The following SCML4 variants were observed in gnomAD, a reference collection of about 807,000 sequenced individuals.
SCML4 encodes the protein Scm polycomb group protein like 4, also known as sex comb on midleg-like protein 4.
A neutral mutation model predicts 41.1 loss-of-function variants in SCML4; 34 were observed. That is an observed-to-expected ratio of 0.83 (90% CI 0.63 to 1.10). SCML4 has a LOEUF of 1.10. SCML4 is among the 50% of genes least tolerant of loss of function. SCML4 has a pLI of 0.00. For synonymous variants in SCML4, 214 were observed against 220.9 expected (o/e 0.97, Z 0.28); for missense variants, 522 against 534.1 (o/e 0.98, Z 0.22).
chr6:107,803,033 C>G (rs200305537), intron 1 of SCML4, among the ~76,000 whole-genome samples: 13 of 151,602 alleles, frequency 8.6e-5, no homozygotes, highest in South Asian at 2.1e-4. Context: ...GACGGAGTCG[C>G]GTTCACTCAG....
chr6:107,751,705 A>C (rs777994936), intron 2 of SCML4, among the ~76,000 whole-genome samples: 4 of 148,518 alleles, frequency 2.7e-5, no homozygotes, highest in Non-Finnish European at 4.4e-5. Flanking sequence ...GCACCATCTC[A>C]GCTCACTGCA....
chr6:107,761,420 G>A (rs1488692522), intron 2 of SCML4, among the ~76,000 whole-genome samples: 1 of 144,070 alleles, frequency 6.9e-6, no homozygotes, highest in Non-Finnish European at 1.5e-5. Flanking sequence ...ATGAACCCCA[G>A]AATATAAATA....
intron 5 of SCML4, among the ~76,000 whole-genome samples, chr6:107,736,766 G>A (rs1777110398): frequency 6.6e-6 from 1 of 152,184 alleles, no homozygotes; most frequent in African/African-American, 2.4e-5. Flanking sequence ...AATGCTGAGT[G>A]TATAGGTTCA....
intron 6 of SCML4, chr6:107,720,461 T>G: frequency 1.7e-6 from 2 of 1,205,496 alleles, no homozygotes; most frequent in East Asian, 3.7e-5. Flanking sequence ...CCTGTGTACA[T>G]TTTGGAGTCT....
chr6:107,725,715 T>A (rs1775888983), intron 5 of SCML4, among the ~76,000 whole-genome samples: 1 of 152,196 alleles, frequency 6.6e-6, no homozygotes, highest in East Asian at 1.9e-4. Flanking sequence ...TGGCAAAATA[T>A]TCTTAGATTT....
chr6:107,707,858 T>C lies in SCML4; in HGVS notation c.1119+8A>G. The C allele has an allele frequency of 6.4e-7, 1 of 1,551,610 alleles. No individual in the cohort carries two copies. On this transcript the variant is annotated splice_region_variant and intron_variant, in intron 7 of 7. Transcript: ENST00000369020. ...TCCCCCCCAAGGTCAAACCCACCAC[T>C]CGCATACGTGCTTTCTGAAGAGCTC...
Position 107,720,862 on chromosome 6 carries a change from G to A in SCML4, c.814C>T (p.Gln272Ter), listed in dbSNP as rs1226982403. Residue 272 changes from glutamine to a stop codon, truncating the protein, a stop_gained, in exon 6 of 8, where the codon CAG becomes TAG. Transcript: ENST00000369020. LOFTEE classifies it high-confidence loss of function. ...HPSSSLYCKR[Q>*]NSGDSHLGGG... ...CCAAGGTGGCTGTCTCCAGAGTTCT[G>A]CCTCTTGCAGTACAGCGAGGAGGAG... 1.2e-6 allele frequency: 2 copies of A among 1,614,186 alleles called. No homozygotes were observed. The highest frequency in any genetic ancestry group is 1.1e-5 in the South Asian group (1 of 91,090).
At chr6:107,725,552 C>A (rs1439316199) in intron 5 of SCML4, among the ~76,000 whole-genome samples, 1 of 152,070 alleles carries the variant, frequency 6.6e-6, no homozygotes. Flanking sequence ...GCTGGGACAA[C>A]TGGATATCCA....
the SCML4 span, among the ~76,000 whole-genome samples, chr6:107,843,996 T>G: frequency 6.6e-6 from 1 of 151,382 alleles, no homozygotes; most frequent in Non-Finnish European, 1.5e-5. Context: ...TTTTTAAAGT[T>G]TAAAGGCAAA....
At chr6:107,811,971 G>A (rs1298781496) in intron 1 of SCML4, among the ~76,000 whole-genome samples, 1 of 152,198 alleles carries the variant, frequency 6.6e-6, no homozygotes. Flanking sequence ...AATAGTGAGA[G>A]GGTTTCCAAC....
chr6:107,761,568 C>G (rs1241339824), intron 2 of SCML4, among the ~76,000 whole-genome samples: 1 of 151,944 alleles, frequency 6.6e-6, no homozygotes. Flanking sequence ...TCCCAAGTAG[C>G]TTGGATTACA....
intron 1 of SCML4, among the ~76,000 whole-genome samples, chr6:107,787,969 C>T (rs921677261): frequency 1.3e-5 from 2 of 152,110 alleles, no homozygotes; most frequent in Non-Finnish European, 2.9e-5. Flanking sequence ...CAATGTTTGC[C>T]CTCCAAGAAC....
chr6:107,740,238 A>G (rs1777461616), intron 5 of SCML4: 1 of 455,098 alleles, frequency 2.2e-6, no homozygotes, highest in Non-Finnish European at 4.5e-6. Flanking sequence ...ATACCACAAT[A>G]AAGTGTGAGA....
rs1228482982 is a variant in SCML4 at position 107,745,232 on chromosome 6, ATTT to A, written c.488-92_488-90del. On this transcript the variant is annotated intron_variant, in intron 4 of 7. Coordinates refer to ENST00000369020, the MANE Select transcript of SCML4 (RefSeq NM_198081.5). ...CGTGGTGAGGATTTTTCGTTTGTTC[ATTT>A]TTGTTTTGTTGCTAAGCAGACTATA... The A allele has an allele frequency of 1.4e-5, 14 of 998,300 alleles. No individual in the cohort carries two copies. In the East Asian group the frequency reaches 3.6e-4, roughly 26 times the overall value. The allele number at this position is 998,300 out of a possible 1,614,324, so 61.8% of individuals were successfully genotyped here.
chr6:107,832,309 A>C, the SCML4 span, among the ~76,000 whole-genome samples: 1 of 152,188 alleles, frequency 6.6e-6, no homozygotes, highest in Admixed American at 6.5e-5. Context: ...GGGTGACCCA[A>C]CAGTTGGTCA....
chr6:107,706,974 T>A (rs1360010086), intron 7 of SCML4, among the ~76,000 whole-genome samples: 3 of 150,852 alleles, frequency 2.0e-5, no homozygotes, highest in African/African-American at 4.9e-5. Context: ...ATCCCCAGAG[T>A]GGTAAGACAG....
intron 5 of SCML4, among the ~76,000 whole-genome samples, chr6:107,725,448 C>A (rs1775867141): frequency 6.6e-6 from 1 of 152,028 alleles, no homozygotes; most frequent in Non-Finnish European, 1.5e-5. Context: ...AATTCAGAAT[C>A]CAGAAGTAAA....
intron 2 of SCML4, among the ~76,000 whole-genome samples, chr6:107,753,407 T>C (rs1778851286): frequency 1.3e-5 from 2 of 152,272 alleles, no homozygotes; most frequent in African/African-American, 2.4e-5. Flanking sequence ...CTATTTACAA[T>C]AGCCAAAAGT....
intron 2 of SCML4, among the ~76,000 whole-genome samples, chr6:107,754,081 G>C (rs1255859007): frequency 3.9e-5 from 6 of 152,164 alleles, no homozygotes; most frequent in Non-Finnish European, 8.8e-5. Flanking sequence ...CAGCACTGAG[G>C]GGGCACTGGG....
Sources: allele counts gnomAD v4.1 joint callset (sites outside exome capture counted in the v4.1 genomes callset), GRCh38; gene constraint gnomAD v4.1.1; transcripts MANE v1.5; gene names NCBI Gene and HGNC (gene_info 2026-07-23, HGNC 2026-07-21).